Variants in SIM1 observed in about 807,000 individuals in gnomAD.
SIM1 encodes single-minded homolog 1.
In SIM1, 18 loss-of-function variants were observed where a neutral mutation model predicts 78.2. The ratio of observed to expected loss-of-function variants is 0.23; its 90% confidence interval spans 0.16 to 0.34. The LOEUF is 0.34. Among genes scored for constraint, SIM1 ranks in the 10% least tolerant of loss-of-function variants. SIM1 has a pLI of 1.00. For synonymous variants in SIM1, 417 were observed against 385.2 expected (o/e 1.08, Z -0.97); for missense variants, 939 against 975.1 (o/e 0.96, Z 0.49).
At chr6:100,399,954 G>T (rs2114473077) in intron 10 of SIM1, among the ~76,000 whole-genome samples, 1 of 151,772 alleles carries the variant, frequency 6.6e-6, no homozygotes, top group East Asian at 1.9e-4. Context: ...CCAAGAGTTT[G>T]GATTATAAAA....
intron 10 of SIM1, among the ~76,000 whole-genome samples, chr6:100,417,588 A>C (rs757038241): frequency 6.6e-6 from 1 of 152,178 alleles, no homozygotes; most frequent in Non-Finnish European, 1.5e-5. Context: ...ATTTAAAAAA[A>C]ATTTTGAGAA....
chr6:100,433,196 C>T (rs998570278), intron 9 of SIM1, among the ~76,000 whole-genome samples: 1 of 152,220 alleles, frequency 6.6e-6, no homozygotes, highest in Non-Finnish European at 1.5e-5. Context: ...CAGATCATGT[C>T]ATGCCCGTGT....
chr6:100,446,735 G>A (rs1014001690), intron 9 of SIM1, among the ~76,000 whole-genome samples: 1 of 152,188 alleles, frequency 6.6e-6, no homozygotes, highest in Admixed American at 6.5e-5. Context: ...GCGTTCTCTT[G>A]GGTCCCTTAG....
At chr6:100,423,424 A>G (rs1343062040) in intron 9 of SIM1, among the ~76,000 whole-genome samples, 1 of 152,178 alleles carries the variant, frequency 6.6e-6, no homozygotes. Flanking sequence ...CAATGAGCAC[A>G]AGGACTAAGT....
intron 4 of SIM1, 81 bp from the exon 5 acceptor site, chr6:100,449,780 C>A: frequency 4.2e-6 from 5 of 1,185,626 alleles, no homozygotes; most frequent in Non-Finnish European, 6.2e-6. Context: ...AGGGGATCTG[C>A]AGGACCATGA....
At chr6:100,441,135 G>C (rs1193167230) in intron 9 of SIM1, among the ~76,000 whole-genome samples, 1 of 152,140 alleles carries the variant, frequency 6.6e-6, no homozygotes, top group African/African-American at 2.4e-5. Context: ...TACACACCAA[G>C]TGGCCTCTAC....
At chr6:100,422,481 G>T (rs1771619180) in intron 9 of SIM1, among the ~76,000 whole-genome samples, 1 of 152,148 alleles carries the variant, frequency 6.6e-6, no homozygotes, top group South Asian at 2.1e-4. Context: ...GGGATTGCAG[G>T]TGTAGGCCAC....
intron 10 of SIM1, among the ~76,000 whole-genome samples, chr6:100,396,715 G>A (rs1442260009): frequency 2.0e-5 from 3 of 152,108 alleles, no homozygotes; most frequent in Admixed American, 6.5e-5. Context: ...TCTGAGCCAC[G>A]TTCATCCCTT....
At chr6:100,397,003 T>C (rs527808172) in intron 10 of SIM1, among the ~76,000 whole-genome samples, 1 of 152,300 alleles carries the variant, frequency 6.6e-6, no homozygotes, top group South Asian at 2.1e-4. Context: ...TTTTGAAATG[T>C]TTGATTCCTG....
In SIM1 at chr6:100,388,541, A is replaced by T. The variant is rs1939032636; in HGVS notation, c.*1820T>A. 6.6e-6 allele frequency: 1 copy of T among 152,194 alleles called. No individual in the cohort carries two copies. Among genetic ancestry groups the T allele is most frequent in the African/African-American group, 2.4e-5 (1 of 41,454 alleles). 9.4% of individuals were successfully genotyped at this position (152,194 alleles called of 1,614,324 possible). A position where few individuals can be genotyped will look rare whatever the true frequency, so the allele number is the denominator to read the frequency against. ...ATGTAGCCTCTCCTTTCATATACAA[A>T]CAACCCAGTACTCATCTTTCATATT... On this transcript the variant is annotated 3_prime_UTR_variant, in exon 12 of 12. Coordinates refer to ENST00000369208, the MANE Select transcript of SIM1 (RefSeq NM_005068.3).
chr6:100,455,712 C>A (rs915720524), intron 2 of SIM1, among the ~76,000 whole-genome samples: 6 of 152,168 alleles, frequency 3.9e-5, no homozygotes, highest in African/African-American at 1.4e-4. Flanking sequence ...GGCACTCGAG[C>A]GAGCCTGGAG....
intron 10 of SIM1, chr6:100,396,194 A>C (rs1770761794): frequency 2.8e-6 from 1 of 363,026 alleles, no homozygotes; most frequent in Non-Finnish European, 3.8e-6. Flanking sequence ...AGTGCTATAC[A>C]TGTGTTCCTT....
At chr6:100,464,176 A>G (rs1772929927) in intron 1 of SIM1, among the ~76,000 whole-genome samples, 1 of 152,158 alleles carries the variant, frequency 6.6e-6, no homozygotes, top group African/African-American at 2.4e-5. Context: ...CAAACAACAA[A>G]ATACATATTT....
intron 2 of SIM1, among the ~76,000 whole-genome samples, chr6:100,462,008 T>C (rs191648952): frequency 4.0e-4 from 61 of 152,218 alleles, no homozygotes; most frequent in African/African-American, 1.4e-3. Flanking sequence ...TTGAAAGTTT[T>C]CCTTTAGCTT....
At chr6:100,430,894 A>G (rs968120504) in intron 9 of SIM1, among the ~76,000 whole-genome samples, 5 of 152,174 alleles carry the variant, frequency 3.3e-5, no homozygotes, top group Non-Finnish European at 7.3e-5. Flanking sequence ...CACAAACTCC[A>G]GGAACAAAAA....
rs1256722978 is a variant in SIM1, at chr6:100,390,504, G to C, written c.2158C>G (p.His720Asp). 2.5e-6 allele frequency: 4 copies of C among 1,614,132 alleles called. No homozygotes were observed. In the Admixed American group the frequency reaches 6.7e-5, roughly 27 times the overall value. The part of the protein sequence containing the change: ...AYTLTGYALE[H>D]LYDSETIRNY... Reference sequence around the variant, plus strand: ...CTAATGGTTTCGCTGTCATATAAGTGCTCCAGGGCATATCCAGTTAATGTG... The same window carrying C: ...CTAATGGTTTCGCTGTCATATAAGTCCTCCAGGGCATATCCAGTTAATGTG... Residue 720 changes from histidine to aspartate, a missense_variant, in exon 12 of 12, where the codon CAC becomes GAC. By Grantham distance (81) the His-to-Asp change is moderately conservative. Coordinates refer to ENST00000369208, the MANE Select transcript of SIM1 (RefSeq NM_005068.3).
chr6:100,432,210 C>G (rs528162360), intron 9 of SIM1, among the ~76,000 whole-genome samples: 1 of 152,262 alleles, frequency 6.6e-6, no homozygotes, highest in African/African-American at 2.4e-5. Flanking sequence ...TTCAGTTTAT[C>G]AGCTACTTTC....
intron 9 of SIM1, among the ~76,000 whole-genome samples, chr6:100,436,292 T>C (rs1397127633): frequency 6.6e-6 from 1 of 152,224 alleles, no homozygotes; most frequent in Non-Finnish European, 1.5e-5. Flanking sequence ...GTCTTACTCA[T>C]TTTGATGTCC....
chr6:100,397,531 G>A (rs987829315), intron 10 of SIM1, among the ~76,000 whole-genome samples: 1 of 151,776 alleles, frequency 6.6e-6, no homozygotes, highest in Non-Finnish European at 1.5e-5. Flanking sequence ...AACTCAAAAG[G>A]TTCACAGACT....
Sources: gnomAD v4.1 joint callset for allele counts (sites outside exome capture counted in the v4.1 genomes callset) on GRCh38, gnomAD v4.1.1 for gene constraint, MANE v1.5 for transcripts, NCBI Gene and HGNC (gene_info 2026-07-23, HGNC 2026-07-21) for gene names.